ANKRD28: variants seen among roughly 807,000 people sequenced by gnomAD.
The protein encoded by ANKRD28 is serine/threonine-protein phosphatase 6 regulatory ankyrin repeat subunit A.
ANKRD28 carries 44 observed loss-of-function variants against 126.5 expected under a neutral mutation model. The ratio of observed to expected loss-of-function variants is 0.35; its 90% CI spans 0.27 to 0.45. ANKRD28 has a LOEUF of 0.45. Ranked by LOEUF, ANKRD28 falls within the 20% of genes least tolerant of loss-of-function variation. The pLI is 1.00. For missense variants in ANKRD28, 1,110 were observed against 1,316.6 expected, an observed-to-expected ratio of 0.84 and a Z score of 2.43; for synonymous variants, 442 against 468.5, an observed-to-expected ratio of 0.94 and a Z score of 0.73.
rs866993695 is a variant in ANKRD28 at position 15,751,781 on chromosome 3, G to C, written c.320C>G (p.Pro107Arg). ...VNAKDSKWLTPLHRAVASCSE... is the reference protein window; with the variant it reads ...VNAKDSKWLTRLHRAVASCSE... ...ACAAGATGCAACTGCTCTGTGTAAA[G>C]GTGTCAACCATTTGCTGTCTTTGGC... The change falls in exon 4 of 28, where the codon CCT (proline) becomes CGT (arginine). Residue 107 changes from proline (P) to arginine (R), a missense_variant. Pro to Arg is a moderately radical substitution (Grantham distance 103, BLOSUM62 -2). Coordinates refer to ENST00000683139, the MANE Select transcript of ANKRD28 (RefSeq NM_001349278.2). 6.3e-7 allele frequency: 1 copy of C among 1,589,724 alleles called. No homozygotes were observed.
intron 2 of ANKRD28, among the ~76,000 whole-genome samples, chr3:15,784,858 G>A (rs1166666206): frequency 1.3e-5 from 2 of 152,012 alleles, no homozygotes; most frequent in Non-Finnish European, 2.9e-5. Context: ...CCAGGAATCT[G>A]TCTCCCCAAC....
intron 7 of ANKRD28, among the ~76,000 whole-genome samples, chr3:15,722,284 C>A (rs747330282): frequency 2.0e-5 from 3 of 152,058 alleles, no homozygotes; most frequent in Non-Finnish European, 4.4e-5. Flanking sequence ...TAATGGAGCC[C>A]CAATAAAAAC....
chr3:15,793,228 A>T (rs774743961), intron 2 of ANKRD28, among the ~76,000 whole-genome samples: 12 of 152,190 alleles, frequency 7.9e-5, no homozygotes, highest in Non-Finnish European at 1.6e-4. Flanking sequence ...ACCCCATATG[A>T]TTCCTTATCA....
intron 8 of ANKRD28, among the ~76,000 whole-genome samples, chr3:15,717,974 GAA>G (rs1048936606): frequency 6.6e-6 from 1 of 151,966 alleles, no homozygotes; most frequent in African/African-American, 2.4e-5. Context: ...GATTAAGCAG[GAA>G]AAAAGAGATA....
chr3:15,811,422 T>A (rs892058162), intron 1 of ANKRD28, among the ~76,000 whole-genome samples: 3 of 152,202 alleles, frequency 2.0e-5, no homozygotes, highest in Non-Finnish European at 2.9e-5. Flanking sequence ...GAACAGCTAC[T>A]GGATAGGAGA....
At chr3:15,720,118 C>G (rs2073541471) in intron 8 of ANKRD28, among the ~76,000 whole-genome samples, 1 of 152,126 alleles carries the variant, frequency 6.6e-6, no homozygotes, top group African/African-American at 2.4e-5. Flanking sequence ...CCTACCCTGG[C>G]CTCCCAAAGT....
At chr3:15,705,486 A>G (rs938890773) in intron 14 of ANKRD28, among the ~76,000 whole-genome samples, 2 of 152,198 alleles carry the variant, frequency 1.3e-5, no homozygotes, top group Non-Finnish European at 2.9e-5. Flanking sequence ...GTAGTGGTAA[A>G]GGACTACAGA....
At position 15,854,339 on chromosome 3, in the gene ANKRD28, C is replaced by T. The variant is rs1294615618; in HGVS notation, c.27+5038G>A. 6.6e-6 allele frequency among the ~76,000 whole-genome samples: 1 copy of T among 152,226 alleles called. No individual in the cohort carries two copies. Among genetic ancestry groups the T allele is most frequent in the Non-Finnish European group, 1.5e-5 (1 of 68,038 alleles). The stretch of plus-strand genomic sequence containing the variant: ...CCATCCATCCTTCCTGGCTTGCCTT[C>T]ACAGTTCCCTCTTGTTGCTTTCATT... On this transcript the variant is annotated intron_variant, in intron 1 of 27. Transcript: ENST00000399451. The surrounding 1 kb of genome is among the most constrained non-coding windows in gnomAD (Gnocchi z 4.1).
At chr3:15,728,096 GC>G (rs1344514694) in intron 6 of ANKRD28, among the ~76,000 whole-genome samples, 1 of 151,990 alleles carries the variant, frequency 6.6e-6, no homozygotes, top group Non-Finnish European at 1.5e-5. Flanking sequence ...TCACATTGAG[GC>G]AAAACTCTCC....
At chr3:15,850,540 C>A (rs924018306) in intron 1 of ANKRD28, among the ~76,000 whole-genome samples, 7 of 152,046 alleles carry the variant, frequency 4.6e-5, no homozygotes, top group African/African-American at 1.4e-4. Flanking sequence ...TGGCTTGGAA[C>A]TGTATGACTC....
At chr3:15,697,015 T>C (rs145459516) in intron 14 of ANKRD28, among the ~76,000 whole-genome samples, 125 of 152,286 alleles carry the variant, frequency 8.2e-4, no homozygotes, top group South Asian at 2.7e-3. Context: ...CAATTCGCAA[T>C]TGCAAAAATA....
chr3:15,749,782 C>A (rs2057749108), intron 4 of ANKRD28, among the ~76,000 whole-genome samples: 1 of 152,146 alleles, frequency 6.6e-6, no homozygotes, highest in African/African-American at 2.4e-5. Flanking sequence ...GGTCTAGTAA[C>A]CCAGTGGAGC....
intron 2 of ANKRD28, among the ~76,000 whole-genome samples, chr3:15,776,350 G>GA (rs1176351637): frequency 2.0e-5 from 3 of 151,844 alleles, no homozygotes; most frequent in Non-Finnish European, 4.4e-5. Context: ...ATTCAAAATA[G>GA]AAAAAAAATG....
rs911157097 is a variant in ANKRD28, at chr3:15,808,021, T to C, written c.28-12715A>G. Among the ~76,000 whole-genome samples the C allele has an allele frequency of 8.5e-5, 13 of 152,282 alleles. 1 individual carries two copies. The highest frequency in any genetic ancestry group is 6.2e-4 in the South Asian group (3 of 4,830). On this transcript the variant is annotated intron_variant, in intron 1 of 27. Coordinates refer to the ANKRD28 transcript ENST00000399451. ...TCTAACAACATGCCTGCAAACTAGT[T>C]TTTAAATCCCAATTTCACGGACAAA...
intron 2 of ANKRD28, among the ~76,000 whole-genome samples, chr3:15,773,623 G>GA (rs907359882): frequency 4.1e-5 from 6 of 146,868 alleles, no homozygotes; most frequent in East Asian, 2.0e-4. Context: ...TGTCAAAAAA[G>GA]AAAAAAAAAA....
chr3:15,740,612 CAG>C (rs2075383436), intron 4 of ANKRD28, among the ~76,000 whole-genome samples: 1 of 152,116 alleles, frequency 6.6e-6, no homozygotes. Context: ...TGGGCAAACA[CAG>C]AATACTAGAG....
At chr3:15,787,286 T>C (rs543195324) in intron 2 of ANKRD28, among the ~76,000 whole-genome samples, 1 of 152,288 alleles carries the variant, frequency 6.6e-6, no homozygotes, top group East Asian at 1.9e-4. Flanking sequence ...TAATACCTTC[T>C]TTGTTTCAGG....
At chr3:15,744,358 G>A (rs2057329760) in intron 4 of ANKRD28, among the ~76,000 whole-genome samples, 1 of 151,980 alleles carries the variant, frequency 6.6e-6, no homozygotes, top group Non-Finnish European at 1.5e-5. Context: ...TTGTCACCCA[G>A]GCTGGAGCGC....
chr3:15,767,233 T>C (rs1021312242), intron 2 of ANKRD28, among the ~76,000 whole-genome samples: 1 of 152,172 alleles, frequency 6.6e-6, no homozygotes, highest in South Asian at 2.1e-4. Flanking sequence ...TTTAGAGTAA[T>C]GTCACATTCA....
Sources: gnomAD v4.1 joint callset for allele counts (sites outside exome capture counted in the v4.1 genomes callset) on GRCh38, gnomAD v4.1.1 for gene constraint, Gnocchi (gnomAD v3.1) non-coding constraint, MANE v1.5 for transcripts, NCBI Gene and HGNC (gene_info 2026-07-23, HGNC 2026-07-21) for gene names.